RNF135: variants seen among roughly 807,000 people sequenced by gnomAD.
RNF135 encodes E3 ubiquitin-protein ligase RNF135.
RNF135 carries 46 observed loss-of-function variants against 41.9 expected under a neutral mutation model. That is an observed-to-expected ratio of 1.10 (90% CI 0.87 to 1.40). The LOEUF (loss-of-function observed/expected upper bound fraction) is 1.40. Among genes scored for constraint, RNF135 ranks in the 40% most tolerant of loss-of-function variants. The probability of loss-of-function intolerance (pLI) is 0.00; values close to 1 mark genes in which losing one functional copy is unlikely to be tolerated. For synonymous variants in RNF135, 238 were observed against 223.8 expected (o/e 1.06, Z -0.57); for missense variants, 539 against 549.8 (o/e 0.98, Z 0.20).
chr17:30,968,536 C>T (rs976694993), upstream of RNF135, among the ~76,000 whole-genome samples: 4 of 151,834 alleles, frequency 2.6e-5, no homozygotes, highest in African/African-American at 9.7e-5. Context: ...CAGGCTCCCG[C>T]CGTCACGCCC....
At chr17:30,988,673 G>A (rs1393801479) in intron 3 of RNF135, among the ~76,000 whole-genome samples, 11 of 151,150 alleles carry the variant, frequency 7.3e-5, no homozygotes, top group South Asian at 2.1e-4. Flanking sequence ...TGATCTGCCC[G>A]CCTTGGCCTC....
chr17:30,961,347 T>C, the RNF135 span, among the ~76,000 whole-genome samples: 1 of 152,164 alleles, frequency 6.6e-6, no homozygotes, highest in African/African-American at 2.4e-5. Flanking sequence ...AGCCTCAGCA[T>C]TCACAATGCA....
rs769709583 is a variant in RNF135, at chr17:30,971,155, C to T, written c.82C>T (p.Leu28=). 4.6e-6 allele frequency: 7 copies of T among 1,532,614 alleles called. No homozygotes were observed. The highest frequency in any genetic ancestry group is 6.1e-6 in the Non-Finnish European group (7 of 1,145,464). The allele number at this position is 1,532,614 out of a possible 1,614,324, so 94.9% of individuals were successfully genotyped here. A position where few individuals can be genotyped will look rare whatever the true frequency, so the allele number is the denominator to read the frequency against. Residue 28 remains leucine, a synonymous_variant, in exon 1 of 5, where the codon CTG becomes TTG. Coordinates refer to ENST00000328381, the MANE Select transcript of RNF135 (RefSeq NM_032322.4). The part of the protein sequence containing the change: ...DLGCIICQGL[L]DWPATLPCGH... ...CGGCTGCATCATCTGCCAGGGGCTG[C>T]TGGACTGGCCCGCCACGCTGCCCTG... is the stretch of plus-strand genomic sequence containing the variant.
At chr17:30,992,388 T>A (rs1015808426) in intron 3 of RNF135, among the ~76,000 whole-genome samples, 1 of 151,738 alleles carries the variant, frequency 6.6e-6, no homozygotes, top group African/African-American at 2.4e-5. Context: ...TTTTTTTTTT[T>A]AGAGACAATA....
rs779166284 is a variant in RNF135 at position 30,971,351 on chromosome 17, A to G, written c.278A>G (p.Gln93Arg). 23 of 1,531,368 alleles carry G rather than the reference A, an allele frequency of 1.5e-5. No individual in the cohort carries two copies. In the East Asian group the frequency reaches 3.5e-4, roughly 24 times the overall value. The allele number at this position is 1,531,368 out of a possible 1,614,324, so 94.9% of individuals were successfully genotyped here. ...TACCGCCGCGCCGCACGCGAGATAC[A>G]GGCGGGCTCCGACCCTGCCCACTGC... ...DKYRRAAREI[Q>R]AGSDPAHCPC... Residue 93 changes from glutamine to arginine, a missense_variant, in exon 1 of 5, where the codon CAG becomes CGG. Coordinates refer to ENST00000328381, the MANE Select transcript of RNF135 (RefSeq NM_032322.4).
chr17:30,981,860 G>C (rs1051250644), intron 1 of RNF135, among the ~76,000 whole-genome samples: 3 of 152,246 alleles, frequency 2.0e-5, no homozygotes, highest in African/African-American at 7.2e-5. Context: ...TGGATTACCA[G>C]GCAGAGATTC....
In RNF135 at chr17:30,994,712, C is replaced by T. The variant is rs186542734; in HGVS notation, c.680-2530C>T. Reference sequence around the variant, plus strand: ...GCAATGGCATGATCTCGGCTCACTGCGACCTCTGGCTCCTGGGTTCAAGCG... The same window carrying T: ...GCAATGGCATGATCTCGGCTCACTGTGACCTCTGGCTCCTGGGTTCAAGCG... On this transcript the variant is annotated intron_variant, in intron 3 of 4. Transcript: ENST00000328381. Among the ~76,000 whole-genome samples the T allele has an allele frequency of 4.0e-5, 6 of 149,486 alleles. No homozygotes were observed. The East Asian group carries it at 8.2e-4, about 21-fold the overall frequency.
Position 30,997,225 on chromosome 17 carries a change from AT to A in RNF135, c.680-10del. The A allele has an allele frequency of 1.2e-6, 2 of 1,608,612 alleles. No homozygotes were observed. The highest frequency in any genetic ancestry group is 1.7e-6 in the Non-Finnish European group (2 of 1,175,364). ...TTTCTGATGGGACTTTCCTCTGTTA[AT>A]TTTTTTGTTACTTAGGAGAACTCCT... On this transcript the variant is annotated splice_polypyrimidine_tract_variant and intron_variant, in intron 3 of 4. Transcript: ENST00000328381.
At chr17:30,990,678 A>G (rs1907925101) in intron 3 of RNF135, among the ~76,000 whole-genome samples, 1 of 152,152 alleles carries the variant, frequency 6.6e-6, no homozygotes, top group Non-Finnish European at 1.5e-5. Flanking sequence ...GCGAATATGA[A>G]TTTATATTTT....
intron 3 of RNF135, among the ~76,000 whole-genome samples, chr17:30,995,777 G>T (rs112041528): frequency 2.9e-4 from 43 of 149,630 alleles, no homozygotes; most frequent in African/African-American, 1.0e-3. Flanking sequence ...TTTTTGAGAC[G>T]GAGTCTTGCT....
rs1261415151 is a variant in RNF135, at chr17:30,985,233, C to T, written c.516+473C>T. On this transcript the variant is annotated intron_variant, in intron 2 of 4. Transcript: ENST00000328381. The stretch of plus-strand genomic sequence containing the variant: ...GTTCCTCAAGGCTGAGTTGTAGGTC[C>T]CTTTGTTTCCCCTGCAGGTAGTCTT... 2.0e-5 allele frequency among the ~76,000 whole-genome samples: 3 copies of T among 152,176 alleles called. No homozygotes were observed. In the East Asian group the frequency reaches 5.8e-4, roughly 29 times the overall value.
chr17:30,960,639 G>A, the RNF135 span, among the ~76,000 whole-genome samples: 2 of 151,690 alleles, frequency 1.3e-5, no homozygotes, highest in Admixed American at 6.6e-5. Flanking sequence ...CCATTGATCC[G>A]TTCATCATTA....
chr17:30,986,810 C>T (rs1907621755), intron 2 of RNF135, among the ~76,000 whole-genome samples: 1 of 152,176 alleles, frequency 6.6e-6, no homozygotes, highest in African/African-American at 2.4e-5. Context: ...TAAGAAAGTG[C>T]TTGAGCAATG....
upstream of RNF135, chr17:30,970,191 C>G (rs1419377364): frequency 6.9e-6 from 1 of 144,328 alleles, no homozygotes; most frequent in East Asian, 2.0e-4. Context: ...TCTTTTTTCT[C>G]TTTTTTTTTT....
At chr17:30,960,741 TTTA>T in the RNF135 span, among the ~76,000 whole-genome samples, 5 of 131,776 alleles carry the variant, frequency 3.8e-5, no homozygotes, top group African/African-American at 2.1e-4. Flanking sequence ...TTTATTTTAT[TTTA>T]TTTTTTTTTT....
At chr17:30,976,743 A>G (rs865931574) in intron 1 of RNF135, among the ~76,000 whole-genome samples, 3 of 152,090 alleles carry the variant, frequency 2.0e-5, no homozygotes, top group African/African-American at 4.8e-5. Flanking sequence ...TATTTGTCTG[A>G]TATATGTATA....
chr17:30,997,371 C>T lies in RNF135; in HGVS notation c.769+40C>T, dbSNP rs377163443. 3.8e-5 allele frequency: 59 copies of T among 1,551,372 alleles called. 1 individual carries two copies. In the South Asian group the frequency reaches 4.1e-4, roughly 11 times the overall value. On this transcript the variant is annotated intron_variant, in intron 4 of 4. Transcript: ENST00000328381. ...CACTTTAAACATGGGTTTGGCTTGC[C>T]GCAGAGCGGGCTTCGAGAATATCCT...
At chr17:30,973,680 G>A (rs1218911492) in intron 1 of RNF135, among the ~76,000 whole-genome samples, 4 of 151,958 alleles carry the variant, frequency 2.6e-5, no homozygotes, top group African/African-American at 9.7e-5. Context: ...GGGCCAGGCT[G>A]GTCTTGAACT....
chr17:30,981,613 G>C (rs1399125341), intron 1 of RNF135, among the ~76,000 whole-genome samples: 1 of 152,196 alleles, frequency 6.6e-6, no homozygotes, highest in African/African-American at 2.4e-5. Context: ...GATGCTCGTG[G>C]ATGTTTGTCA....
Sources: gnomAD v4.1 joint callset for allele counts (sites outside exome capture counted in the v4.1 genomes callset) on GRCh38, gnomAD v4.1.1 for gene constraint, MANE v1.5 for transcripts, NCBI Gene and HGNC (gene_info 2026-07-23, HGNC 2026-07-21) for gene names.